TAF1B: variants seen among roughly 807,000 people sequenced by gnomAD.
The protein encoded by TAF1B is TATA box-binding protein-associated factor RNA polymerase I subunit B.
Under a neutral mutation model 83.9 loss-of-function variants are expected in TAF1B, and 61 were observed. The ratio of observed to expected loss-of-function variants is 0.73; its 90% CI spans 0.59 to 0.90. TAF1B has a LOEUF of 0.90. Among genes scored for constraint, TAF1B ranks in the 40% least tolerant of loss-of-function variants. TAF1B has a pLI of 0.00. For synonymous variants in TAF1B, 221 were observed against 224.6 expected, an observed-to-expected ratio of 0.98 and a Z score of 0.14; for missense variants, 625 against 677.0, an observed-to-expected ratio of 0.92 and a Z score of 0.85.
At position 9,850,698 on chromosome 2, in the gene TAF1B, T is replaced by TA. The variant is rs1201234055; in HGVS notation, c.206-842dup. Reference sequence around the variant, plus strand: ...ACTGATAACAAGCTTTTGGAAGAGTTACAGTATTTGTCCAGCAGTGAGGGG... The same window carrying TA: ...ACTGATAACAAGCTTTTGGAAGAGTTAACAGTATTTGTCCAGCAGTGAGGGG... On this transcript the variant is annotated intron_variant, in intron 3 of 14. Transcript: ENST00000263663. Among the ~76,000 whole-genome samples, 5 of 152,272 alleles carry TA rather than the reference T, an allele frequency of 3.3e-5. No individual in the cohort carries two copies. The East Asian group carries it at 5.8e-4, about 18-fold the overall frequency.
chr2:9,844,405 G>C (rs537880763), intron 1 of TAF1B: 1 of 152,164 alleles, frequency 6.6e-6, no homozygotes, highest in Non-Finnish European at 1.5e-5. Context: ...CGATCTTCCT[G>C]CCTCAGCCTC....
chr2:9,925,130 T>G (rs1422973365), intron 14 of TAF1B, among the ~76,000 whole-genome samples: 1 of 152,164 alleles, frequency 6.6e-6, no homozygotes, highest in Non-Finnish European at 1.5e-5. Flanking sequence ...TTAACTATTT[T>G]TTTAAACTAT....
intron 8 of TAF1B, among the ~76,000 whole-genome samples, chr2:9,899,367 T>A (rs943769791): frequency 6.6e-6 from 1 of 152,240 alleles, no homozygotes; most frequent in Non-Finnish European, 1.5e-5. Flanking sequence ...TCAGGCTGGA[T>A]AATATTCTAT....
At chr2:9,843,445 T>C (rs1019756990), upstream of TAF1B, 5 of 1,394,568 alleles carry the variant, frequency 3.6e-6, no homozygotes, top group Non-Finnish European at 4.7e-6. Flanking sequence ...GGCGCGGATC[T>C]CGCGTTTCCG....
At chr2:9,863,377 A>C (rs1375844514) in intron 5 of TAF1B, among the ~76,000 whole-genome samples, 1 of 152,268 alleles carries the variant, frequency 6.6e-6, no homozygotes, top group African/African-American at 2.4e-5. Context: ...TAAAGGGATC[A>C]ATGCAACAAG....
intron 2 of TAF1B, among the ~76,000 whole-genome samples, chr2:9,846,707 C>T (rs1219927267): frequency 2.0e-5 from 3 of 152,194 alleles, no homozygotes; most frequent in Admixed American, 6.5e-5. Context: ...GAGTCTGCAG[C>T]TGGAATGCTT....
At chr2:9,882,374 AGTTCTGAAACTCCAG>A (rs1175331307) in intron 7 of TAF1B, among the ~76,000 whole-genome samples, 2 of 152,184 alleles carry the variant, frequency 1.3e-5, no homozygotes, top group Non-Finnish European at 2.9e-5. Context: ...CTGGGATTAC[AGTTCTGAAACTCCAG>A]GGCTCAAGCA....
intron 6 of TAF1B, 22 bp from the exon 7 acceptor site, chr2:9,875,843 A>C: frequency 6.5e-7 from 1 of 1,546,566 alleles, no homozygotes; most frequent in Non-Finnish European, 8.8e-7. Context: ...GGATTTTTAA[A>C]AATCTCCATT....
intron 8 of TAF1B, among the ~76,000 whole-genome samples, chr2:9,884,719 G>GT (rs1664618777): frequency 2.6e-5 from 4 of 152,152 alleles, no homozygotes; most frequent in African/African-American, 9.7e-5. Flanking sequence ...CCAGCTCTCA[G>GT]CAGAGAGGGG....
At chr2:9,927,776 C>A (rs1666087551) in intron 14 of TAF1B, among the ~76,000 whole-genome samples, 1 of 152,134 alleles carries the variant, frequency 6.6e-6, no homozygotes, top group African/African-American at 2.4e-5. Context: ...AGCCCTTTGT[C>A]AGATGGGTAG....
intron 14 of TAF1B, among the ~76,000 whole-genome samples, chr2:9,930,447 T>C (rs1456205626): frequency 2.0e-5 from 3 of 152,212 alleles, no homozygotes; most frequent in Non-Finnish European, 4.4e-5. Flanking sequence ...AGGAACAGGT[T>C]GTTCAGTTTC....
intron 8 of TAF1B, among the ~76,000 whole-genome samples, chr2:9,884,608 A>G (rs1356254041): frequency 6.6e-6 from 1 of 152,196 alleles, no homozygotes; most frequent in African/African-American, 2.4e-5. Flanking sequence ...CTGGAATGGG[A>G]AGCTCCTGTC....
In TAF1B at chr2:9,873,890, C is replaced by T. The variant is rs1389481633; in HGVS notation, c.554-1975C>T. 3.9e-5 allele frequency among the ~76,000 whole-genome samples: 6 copies of T among 152,002 alleles called. No individual in the cohort carries two copies. The South Asian group carries it at 6.2e-4, about 16-fold the overall frequency. ...TCTTCTGTTTCTACTCCTGCCCTCC[C>T]GTAACTCCATTCTTCCCTCAGCAGC... is the stretch of plus-strand genomic sequence containing the variant. On this transcript the variant is annotated intron_variant, in intron 6 of 14. Transcript: ENST00000263663.
rs928302425 is a variant in TAF1B, at chr2:9,862,721, G to C, written c.400-5555G>C. ...AAGGTCGGGTTACCCACAAAGGGAAGCCCATCAGACTAATAGCTGATCTCT... is the reference window on the plus strand; with the variant it reads ...AAGGTCGGGTTACCCACAAAGGGAACCCCATCAGACTAATAGCTGATCTCT... On this transcript the variant is annotated intron_variant, in intron 5 of 14. Transcript: ENST00000263663. Among the ~76,000 whole-genome samples the C allele has an allele frequency of 2.0e-5, 3 of 152,340 alleles. No individual in the cohort carries two copies. The South Asian group carries it at 6.2e-4, about 32-fold the overall frequency.
rs1246395030 is a variant in TAF1B at position 9,918,989 on chromosome 2, T to C, written c.1272-52T>C. The stretch of plus-strand genomic sequence containing the variant: ...TCAGATAGTGCTTCAGACAATGTGT[T>C]TATGTCCGTTTCATCTCCGTCCTGC... On this transcript the variant is annotated intron_variant, in intron 12 of 14. Transcript: ENST00000263663. 2.8e-6 allele frequency: 4 copies of C among 1,445,966 alleles called. No homozygotes were observed. In the African/African-American group the frequency reaches 5.6e-5, roughly 20 times the overall value. 89.6% of individuals were successfully genotyped at this position (1,445,966 alleles called of 1,614,324 possible).
intron 4 of TAF1B, among the ~76,000 whole-genome samples, chr2:9,853,618 C>T (rs946714822): frequency 2.0e-5 from 3 of 152,084 alleles, no homozygotes; most frequent in African/African-American, 7.2e-5. Context: ...CAGGCATGTG[C>T]CACCATACCT....
intron 6 of TAF1B, among the ~76,000 whole-genome samples, chr2:9,870,212 G>T (rs1294314579): frequency 1.3e-5 from 2 of 152,062 alleles, no homozygotes; most frequent in Admixed American, 6.6e-5. Context: ...CACCAGTCAC[G>T]GCAGTGGACT....
intron 12 of TAF1B, among the ~76,000 whole-genome samples, chr2:9,918,225 G>A (rs932924899): frequency 2.3e-4 from 35 of 152,198 alleles, no homozygotes; most frequent in South Asian, 1.0e-3. Context: ...CTGCTCTAGG[G>A]AACACAGAAA....
intron 14 of TAF1B, among the ~76,000 whole-genome samples, chr2:9,920,158 T>C (rs1203011057): frequency 1.3e-5 from 2 of 152,216 alleles, no homozygotes; most frequent in African/African-American, 4.8e-5. Flanking sequence ...TTCTACCTCT[T>C]AATACTTCCT....
Sources: allele counts gnomAD v4.1 joint callset (sites outside exome capture counted in the v4.1 genomes callset), GRCh38; gene constraint gnomAD v4.1.1; transcripts MANE v1.5; gene names NCBI Gene and HGNC (gene_info 2026-07-23, HGNC 2026-07-21).